The following PERM1 variants were observed in gnomAD, a reference collection of about 807,000 sequenced individuals.
PERM1 encodes PGC-1 and ERR-induced regulator in muscle protein 1.
Under a neutral mutation model 44.1 loss-of-function variants are expected in PERM1, and 45 were observed. That is an observed-to-expected ratio of 1.02 (90% confidence interval 0.80 to 1.31). The LOEUF is 1.31. Ranked by LOEUF, PERM1 falls within the 50% of genes most tolerant of loss-of-function variation. The probability of loss-of-function intolerance (pLI) is 0.00; values close to 1 mark genes in which losing one functional copy is unlikely to be tolerated. For synonymous variants in PERM1, 565 were observed against 477.1 expected (o/e 1.18, Z -2.40); for missense variants, 1,189 against 1,106.9 (o/e 1.07, Z -1.05).
At chr1:978,855 G>A (rs565368985) in intron 1 of PERM1, 26 bp downstream of exon 2, 20 of 1,449,248 alleles carry the variant, frequency 1.4e-5, no homozygotes, top group South Asian at 1.0e-4. Flanking sequence ...GGATCTGGAC[G>A]GGCTGTGGGA....
chr1:978,979 G>A, exon 1 of PERM1: 1 of 1,520,638 alleles, frequency 6.6e-7, no homozygotes, highest in Non-Finnish European at 8.9e-7. Flanking sequence ...AGGCTCCAGG[G>A]CCTGCAGTGG....
At chr1:979,755 C>T in exon 1 of PERM1, 2 of 1,550,366 alleles carry the variant, frequency 1.3e-6, no homozygotes, top group Non-Finnish European at 1.7e-6. Flanking sequence ...GAGATGAAGC[C>T]ACCTCTAGCT....
chr1:980,269 C>G, exon 1 of PERM1: 1 of 1,550,408 alleles, frequency 6.4e-7, no homozygotes, highest in Middle Eastern at 1.7e-4. Context: ...TGTAGACAGG[C>G]CCAAACCTGG....
At chr1:981,357 G>C, upstream of PERM1, 1 of 269,708 alleles carries the variant, frequency 3.7e-6, no homozygotes, top group Non-Finnish European at 5.7e-6. Flanking sequence ...TACCAGTGAA[G>C]CTATAAAACC....
At chr1:980,852 G>A (rs1262391427) in exon 1 of PERM1, 1 of 1,402,416 alleles carries the variant, frequency 7.1e-7, no homozygotes, top group Non-Finnish European at 9.2e-7. Context: ...TGCCCAGTTG[G>A]GAGAGGTGGG....
At chr1:976,404 G>C in intron 2 of PERM1, 95 bp downstream of exon 3, 1 of 1,534,382 alleles carries the variant, frequency 6.5e-7, no homozygotes, top group South Asian at 1.2e-5. Flanking sequence ...AGCAGGTCAG[G>C]GGTGAGCCCC....
upstream of PERM1, among the ~76,000 whole-genome samples, chr1:981,743 C>A (rs187454415): frequency 6.6e-6 from 1 of 152,248 alleles, no homozygotes; most frequent in Non-Finnish European, 1.5e-5. Context: ...CACCTCGGGC[C>A]GTCCTCGAGG....
chr1:979,331 C>CA lies in PERM1; in HGVS notation c.1698_1699insT (p.Val567CysfsTer24). 5.2e-6 allele frequency: 8 copies of CA among 1,526,408 alleles called. No homozygotes were observed. Among genetic ancestry groups the CA allele is most frequent in the Non-Finnish European group, 7.1e-6 (8 of 1,134,060 alleles). 94.6% of individuals were successfully genotyped at this position (1,526,408 alleles called of 1,614,324 possible). A position where few individuals can be genotyped will look rare whatever the true frequency, so the allele number is the denominator to read the frequency against. On this transcript the variant is annotated frameshift_variant, in exon 1 of 3. Coordinates refer to ENST00000433179, the Ensembl canonical transcript of PERM1. LOFTEE classifies it high-confidence loss of function. ...CTGCTCCCGGGCCCGACCCTCGTCA[C>CA]GGCAGAGGGAGGGGGGCGAGGCAGG... is the stretch of plus-strand genomic sequence containing the variant.
chr1:976,637 C>A lies in PERM1; in HGVS notation c.2150-13G>T. ...CCCCGGAGCTCCCCTAGGACAGAAG[C>A]TCACCTTCAGCCCCACGGCTGCACT... On this transcript the variant is annotated splice_polypyrimidine_tract_variant and intron_variant, in intron 1 of 2. Transcript: ENST00000433179. 1.9e-6 allele frequency: 3 copies of A among 1,548,976 alleles called. No homozygotes were observed. The highest frequency in any genetic ancestry group is 2.4e-5 in the East Asian group (1 of 40,906).
exon 1 of PERM1, chr1:980,900 C>T (rs772190826): frequency 7.1e-7 from 1 of 1,412,014 alleles, no homozygotes; most frequent in Non-Finnish European, 9.2e-7. Context: ...TCCCCTTGGT[C>T]AATGTCACTG....
chr1:980,647 C>A, exon 1 of PERM1: 1 of 1,438,562 alleles, frequency 7.0e-7, no homozygotes, highest in Non-Finnish European at 9.1e-7. Context: ...CGGACCAGGG[C>A]AGGATGAGAA....
exon 1 of PERM1, chr1:978,953 C>G (rs13302979): frequency 0.59 from 893,952 of 1,503,810 alleles, 269,983 homozygotes; most frequent in East Asian, 0.83. Context: ...CCCGCCCCCT[C>G]GGAGGCCGAC....
exon 1 of PERM1, chr1:980,116 G>A (rs1416247595): frequency 1.3e-6 from 2 of 1,550,214 alleles, no homozygotes; most frequent in African/African-American, 1.4e-5. Flanking sequence ...TTGCGGCTCG[G>A]AGGCAGGTGT....
intron 1 of PERM1, among the ~76,000 whole-genome samples, chr1:978,217 C>T (rs974028630): frequency 1.4e-5 from 2 of 146,132 alleles, no homozygotes; most frequent in African/African-American, 5.1e-5. Context: ...AACTGCCTGC[C>T]CCGCACACGC....
chr1:975,687 T>C, exon 3 of PERM1: 1 of 157,870 alleles, frequency 6.3e-6, no homozygotes, highest in Non-Finnish European at 1.4e-5. Context: ...GGCCACCCTG[T>C]GTCCTCTCCC....
upstream of PERM1, chr1:981,177 A>G: frequency 6.5e-7 from 1 of 1,547,412 alleles, no homozygotes; most frequent in Non-Finnish European, 8.7e-7. Context: ...CCATGCCCTG[A>G]AAGGAAGAGA....
exon 1 of PERM1, chr1:978,917 C>G: frequency 1.3e-6 from 2 of 1,505,582 alleles, no homozygotes; most frequent in Non-Finnish European, 1.8e-6. Flanking sequence ...CGCTCTACCA[C>G]GGCTGGCTTG....
exon 1 of PERM1, chr1:980,105 G>A (rs868530532): frequency 9.0e-6 from 14 of 1,549,514 alleles, no homozygotes; most frequent in African/African-American, 2.7e-5. Context: ...TCCCTGTCAG[G>A]TTGCGGCTCG....
chr1:978,772 G>C (rs927033272), intron 1 of PERM1, 109 bp downstream of exon 2: 21 of 1,059,230 alleles, frequency 2.0e-5, no homozygotes, highest in Admixed American at 3.3e-5. Flanking sequence ...CCTGCTAGGG[G>C]ATGACCCAAG....
Sources: gnomAD v4.1 joint callset for allele counts (sites outside exome capture counted in the v4.1 genomes callset) on GRCh38, gnomAD v4.1.1 for gene constraint, MANE v1.5 for transcripts, NCBI Gene and HGNC (gene_info 2026-07-23, HGNC 2026-07-21) for gene names.